KCNK12: variants seen among roughly 807,000 people sequenced by gnomAD.
KCNK12 encodes potassium channel subfamily K member 12.
Under a neutral mutation model 25.3 loss-of-function variants are expected in KCNK12, and 6 were observed. That is an observed-to-expected ratio of 0.24 (90% confidence interval 0.13 to 0.47). The LOEUF is 0.47. KCNK12 is among the 20% of genes least tolerant of loss of function. The pLI, the probability that KCNK12 is intolerant of heterozygous loss-of-function variation, is 0.99. For synonymous variants in KCNK12, 331 were observed against 311.1 expected (o/e 1.06, Z -0.67); for missense variants, 444 against 661.7 (o/e 0.67, Z 3.61).
chr2:47,553,026 C>T (rs1669472388), intron 1 of KCNK12, among the ~76,000 whole-genome samples: 2 of 152,192 alleles, frequency 1.3e-5, no homozygotes, highest in Admixed American at 6.5e-5. Context: ...TCCCTAGTCC[C>T]CTCTACCCAA....
rs1045331476 is a variant in KCNK12, at chr2:47,532,060, A to C, written c.392-10252T>G. Among the ~76,000 whole-genome samples the C allele has an allele frequency of 4.6e-5, 7 of 152,040 alleles. No homozygotes were observed. In the East Asian group the frequency reaches 5.8e-4, roughly 13 times the overall value. ...CGACTCCGTCTCAAAAAAAACCCCCAAAAACAAAAAACAATATTCATTCAT... is the reference window on the plus strand; with the variant it reads ...CGACTCCGTCTCAAAAAAAACCCCCCAAAACAAAAAACAATATTCATTCAT... On this transcript the variant is annotated intron_variant, in intron 1 of 1. Transcript: ENST00000327876.
At chr2:47,530,780 G>A (rs1442017673) in intron 1 of KCNK12, among the ~76,000 whole-genome samples, 1 of 152,180 alleles carries the variant, frequency 6.6e-6, no homozygotes. Context: ...ATAACCAATA[G>A]TGTCTTAGAT....
rs552618187 is a variant in KCNK12 at position 47,522,315 on chromosome 2, C to T, written c.392-507G>A. On this transcript the variant is annotated intron_variant, in intron 1 of 1. Coordinates refer to ENST00000327876, the MANE Select transcript of KCNK12 (RefSeq NM_022055.2). ...TAGAAATCAAAACCAACATAGATCTCTTCAAAGATATCTAGCTTCTTATGT... is the reference window on the plus strand; with the variant it reads ...TAGAAATCAAAACCAACATAGATCTTTTCAAAGATATCTAGCTTCTTATGT... Among the ~76,000 whole-genome samples, 30 of 152,324 alleles carry T rather than the reference C, an allele frequency of 2.0e-4. No individual in the cohort carries two copies. The South Asian group carries it at 5.6e-3, about 28-fold the overall frequency.
In KCNK12 at chr2:47,560,634, C is replaced by G. The variant is rs561899300; in HGVS notation, c.391+9307G>C. Among the ~76,000 whole-genome samples, 1 of 152,348 alleles carries G rather than the reference C, an allele frequency of 6.6e-6. No individual in the cohort carries two copies. The highest frequency in any genetic ancestry group is 2.1e-4 in the South Asian group (1 of 4,826). ...ATGCCAAGAAAGTTGCTTAACCTCT[C>G]TGAGCCTGTCATCTGTGAAATGGGA... On this transcript the variant is annotated intron_variant, in intron 1 of 1. Transcript: ENST00000327876. The surrounding 1 kb of genome is among the most constrained non-coding windows in gnomAD (Gnocchi z 4.7).
In KCNK12 at chr2:47,562,516, A is replaced by C. The variant is rs527389574; in HGVS notation, c.391+7425T>G. ...CAAGCGCAGGGAGGAGGCAGCACTC[A>C]CAAGACAGAGTCCGGAGCATTCTCC... is the stretch of plus-strand genomic sequence containing the variant. On this transcript the variant is annotated intron_variant, in intron 1 of 1. Transcript: ENST00000327876. This position sits in a 1 kb window ranked among gnomAD's most constrained non-coding sequence, Gnocchi z 4.8. The C allele has an allele frequency of 4.8e-4, 115 of 238,614 alleles. No individual in the cohort carries two copies. The highest frequency in any genetic ancestry group is 7.3e-4 in the Admixed American group (13 of 17,924). 14.8% of individuals were successfully genotyped at this position (238,614 alleles called of 1,614,324 possible).
In KCNK12 at chr2:47,519,094, T is replaced by C. The variant is rs1320965086; in HGVS notation, c.*1813A>G. 12 of 152,308 alleles carry C rather than the reference T, an allele frequency of 7.9e-5. No homozygotes were observed. In the South Asian group the frequency reaches 1.9e-3, roughly 24 times the overall value. 9.4% of individuals were successfully genotyped at this position (152,308 alleles called of 1,614,324 possible). ...TTCAGGATTTAGCAAGACTGACGTC[T>C]CTCCTGGCCAGCGCTGCTTCACTGG... On this transcript the variant is annotated 3_prime_UTR_variant, in exon 2 of 2. Transcript: ENST00000327876.
intron 1 of KCNK12, among the ~76,000 whole-genome samples, chr2:47,541,970 G>T (rs1433769878): frequency 6.6e-6 from 1 of 152,194 alleles, no homozygotes; most frequent in African/African-American, 2.4e-5. Context: ...GGCTCATTCT[G>T]TTTTCTGTAG....
chr2:47,532,131 A>G (rs181699212), intron 1 of KCNK12, among the ~76,000 whole-genome samples: 6 of 152,158 alleles, frequency 3.9e-5, no homozygotes, highest in East Asian at 3.9e-4. Flanking sequence ...TGTCATAGGC[A>G]TTAGGGATAC....
intron 1 of KCNK12, among the ~76,000 whole-genome samples, 167 bp from the exon 2 acceptor site, chr2:47,521,975 G>A (rs1668667523): frequency 6.6e-6 from 1 of 152,204 alleles, no homozygotes. Context: ...TATCTCCCTT[G>A]GTGGCACTTA....
Position 47,520,930 on chromosome 2 carries a change from C to T in KCNK12, c.1270G>A (p.Ala424Thr). 7.9e-7 allele frequency: 1 copy of T among 1,270,054 alleles called. No individual in the cohort carries two copies. The highest frequency in any genetic ancestry group is 9.9e-7 in the Non-Finnish European group (1 of 1,006,684). The allele number at this position is 1,270,054 out of a possible 1,614,324, so 78.7% of individuals were successfully genotyped here. ...GTCTACCTGGAGGCGCTGGTCTCGG[C>T]CAGCCGGTTGTTCATGATGCCCAGC... ...GALGIMNNRLAETSASR is the reference protein window; with the variant it reads ...GALGIMNNRLTETSASR The change falls in exon 2 of 2, where the codon GCC becomes ACC. Residue 424 changes from alanine (A) to threonine (T), a missense_variant. Ala to Thr is a moderately conservative substitution (Grantham distance 58, BLOSUM62 0). This residue lies in a region of KCNK12 where 57 missense variants were observed against 68.9 expected (regional missense o/e 0.83). Transcript: ENST00000327876. The surrounding 1 kb of genome is among the most constrained non-coding windows in gnomAD (Gnocchi z 5.0).
rs1048262821 is a variant in KCNK12 at position 47,529,288 on chromosome 2, C to T, written c.392-7480G>A. The T allele has an allele frequency of 6.6e-5, 10 of 152,102 alleles. No homozygotes were observed. The highest frequency in any genetic ancestry group is 1.2e-4 in the African/African-American group (5 of 41,396). 9.4% of individuals were successfully genotyped at this position (152,102 alleles called of 1,614,324 possible). A position where few individuals can be genotyped will look rare whatever the true frequency, so the allele number is the denominator to read the frequency against. ...AAAATGCAGATTCCATGGCAGGTCC[C>T]GCTCAGAGGTTTATTTAGTGGGTCA... On this transcript the variant is annotated intron_variant, in intron 1 of 1. Transcript: ENST00000327876. This position sits in a 1 kb window ranked among gnomAD's most constrained non-coding sequence, Gnocchi z 4.3.
At chr2:47,535,620 C>T (rs955835890) in intron 1 of KCNK12, among the ~76,000 whole-genome samples, 2 of 152,168 alleles carry the variant, frequency 1.3e-5, no homozygotes, top group East Asian at 3.8e-4. Flanking sequence ...TCTGCTGGTA[C>T]TTTCACAGGT....
chr2:47,558,632 G>A (rs1320248647), intron 1 of KCNK12, among the ~76,000 whole-genome samples: 1 of 152,200 alleles, frequency 6.6e-6, no homozygotes, highest in Non-Finnish European at 1.5e-5. Context: ...CTCACACGAG[G>A]CGCTCAGAAT....
chr2:47,523,264 G>T (rs1310529415), intron 1 of KCNK12, among the ~76,000 whole-genome samples: 2 of 152,178 alleles, frequency 1.3e-5, no homozygotes, highest in Non-Finnish European at 2.9e-5. Flanking sequence ...GCTTTGTGAG[G>T]CTGACAAAAG....
chr2:47,550,478 G>C (rs1038821716), intron 1 of KCNK12, among the ~76,000 whole-genome samples: 1 of 147,582 alleles, frequency 6.8e-6, no homozygotes, highest in Non-Finnish European at 1.5e-5. Context: ...TGCCTCCCGG[G>C]TTCAAGTGAT....
At position 47,512,257 on chromosome 2, in the gene KCNK12, C is replaced by A; in HGVS notation, c.*8650G>T. The A allele has an allele frequency of 1.2e-6, 2 of 1,605,496 alleles. No individual in the cohort carries two copies. Among genetic ancestry groups the A allele is most frequent in the Non-Finnish European group, 1.7e-6 (2 of 1,176,184 alleles). On this transcript the variant is annotated 3_prime_UTR_variant, in exon 2 of 2. Coordinates refer to ENST00000327876, the MANE Select transcript of KCNK12 (RefSeq NM_022055.2). ...GCTGAGTATCGTTCTTGATGGAAAT[C>A]CCCGTGGAACTCCTACATTTTCTCC... is the stretch of plus-strand genomic sequence containing the variant.
In KCNK12 at chr2:47,514,288, C is replaced by T. The variant is rs1001298397; in HGVS notation, c.*6619G>A. ...CTCTCTTTGGTGTGCCCATGGCAGCCCAGAATGCCTGGTGGACAGGGAGCC... is the reference window on the plus strand; with the variant it reads ...CTCTCTTTGGTGTGCCCATGGCAGCTCAGAATGCCTGGTGGACAGGGAGCC... On this transcript the variant is annotated 3_prime_UTR_variant, in exon 2 of 2. Coordinates refer to ENST00000327876, the MANE Select transcript of KCNK12 (RefSeq NM_022055.2). This position sits in a 1 kb window ranked among gnomAD's most constrained non-coding sequence, Gnocchi z 5.0. 6.6e-5 allele frequency among the ~76,000 whole-genome samples: 10 copies of T among 152,220 alleles called. No individual in the cohort carries two copies. Among genetic ancestry groups the T allele is most frequent in the Admixed American group, 2.6e-4 (4 of 15,286 alleles).
At chr2:47,526,957 G>A (rs1272590326) in intron 1 of KCNK12, among the ~76,000 whole-genome samples, 1 of 152,034 alleles carries the variant, frequency 6.6e-6, no homozygotes, top group Non-Finnish European at 1.5e-5. Flanking sequence ...CTGCATCATC[G>A]CATGTCATCA....
In KCNK12 at chr2:47,556,931, G is replaced by C. The variant is rs536104492; in HGVS notation, c.391+13010C>G. 6.6e-6 allele frequency among the ~76,000 whole-genome samples: 1 copy of C among 152,158 alleles called. No homozygotes were observed. Among genetic ancestry groups the C allele is most frequent in the Admixed American group, 6.5e-5 (1 of 15,284 alleles). Reference sequence around the variant, plus strand: ...ACTAGTAATAGCAAGGACATACATAGATAGAACCAAATGACCTGCTGGGGT... The same window carrying C: ...ACTAGTAATAGCAAGGACATACATACATAGAACCAAATGACCTGCTGGGGT... On this transcript the variant is annotated intron_variant, in intron 1 of 1. Transcript: ENST00000327876. This position sits in a 1 kb window ranked among gnomAD's most constrained non-coding sequence, Gnocchi z 4.8.
Sources: gnomAD v4.1 joint callset for allele counts (sites outside exome capture counted in the v4.1 genomes callset) on GRCh38, gnomAD v4.1.1 for gene constraint, gnomAD v4.1.1 regional missense constraint, Gnocchi (gnomAD v3.1) non-coding constraint, MANE v1.5 for transcripts, NCBI Gene and HGNC (gene_info 2026-07-23, HGNC 2026-07-21) for gene names.